EMC3: variants seen among roughly 807,000 people sequenced by gnomAD.
EMC3 encodes 30 kDa protein.
Under a neutral mutation model 36.6 loss-of-function variants are expected in EMC3, and 13 were observed. That is an observed-to-expected ratio of 0.35 (90% CI 0.23 to 0.56). The LOEUF (loss-of-function observed/expected upper bound fraction) is 0.56. Among genes scored for constraint, EMC3 ranks in the 20% least tolerant of loss-of-function variants. EMC3 has a pLI of 0.84. For missense variants in EMC3, 220 were observed against 324.5 expected (o/e 0.68, Z 2.47); for synonymous variants, 120 against 111.9 (o/e 1.07, Z -0.46).
At chr3:9,992,694 T>C (rs990285682) in intron 1 of EMC3, among the ~76,000 whole-genome samples, 1 of 152,340 alleles carries the variant, frequency 6.6e-6, no homozygotes. Flanking sequence ...TTAATAGTTG[T>C]GGCACTTTAT....
At chr3:9,988,718 G>A, upstream of EMC3, 1 of 1,521,500 alleles carries the variant, frequency 6.6e-7, no homozygotes, top group Non-Finnish European at 9.0e-7. Flanking sequence ...TCAGGCAATT[G>A]AAAACACTGC....
At chr3:10,005,154 A>G (rs1210764500) in intron 1 of EMC3, 1 of 151,752 alleles carries the variant, frequency 6.6e-6, no homozygotes, top group African/African-American at 2.4e-5. Flanking sequence ...GAGTTGCACC[A>G]CCAGATATAC....
At chr3:10,006,192 C>T (rs951569992) in intron 1 of EMC3, among the ~76,000 whole-genome samples, 10 of 152,238 alleles carry the variant, frequency 6.6e-5, no homozygotes, top group South Asian at 6.2e-4. Context: ...AAGCCAGCAT[C>T]GTCCAAGCTG....
upstream of EMC3, chr3:9,988,592 A>G: frequency 1.1e-6 from 1 of 883,614 alleles, no homozygotes; most frequent in Non-Finnish European, 1.9e-6. Context: ...TGGAAATGAT[A>G]GCTGATGGTT....
upstream of EMC3, among the ~76,000 whole-genome samples, chr3:9,990,325 CTTTTTTTT>C (rs4020037): frequency 1.9e-4 from 17 of 88,706 alleles, no homozygotes; most frequent in African/African-American, 6.4e-4. Context: ...GGGCCTTTCT[CTTTTTTTT>C]TTTTTTTTTT....
At chr3:9,975,726 C>G (rs1049183589) in intron 3 of EMC3, among the ~76,000 whole-genome samples, 17 of 149,162 alleles carry the variant, frequency 1.1e-4, no homozygotes, top group African/African-American at 1.7e-4. Context: ...GCAGGAGAAT[C>G]GCGTGAACCC....
chr3:9,998,310 G>A lies in EMC3; in HGVS notation c.-241-11408C>T, dbSNP rs533074109. 7.3e-5 allele frequency among the ~76,000 whole-genome samples: 11 copies of A among 150,566 alleles called. No individual in the cohort carries two copies. In the South Asian group the frequency reaches 1.3e-3, roughly 17 times the overall value. ...GAACCCGGGAGGCAGAGCTTGCAGTGAGCCGAGATTGCGCCACTGCACTCC... is the reference window on the plus strand; with the variant it reads ...GAACCCGGGAGGCAGAGCTTGCAGTAAGCCGAGATTGCGCCACTGCACTCC... On this transcript the variant is annotated intron_variant, in intron 1 of 8. Coordinates refer to the EMC3 transcript ENST00000470827.
chr3:9,987,361 GCT>G, upstream of EMC3: 1 of 953,100 alleles, frequency 1.0e-6, no homozygotes, highest in Non-Finnish European at 1.2e-6. Context: ...CTTCTCTGGG[GCT>G]CCGCGCCCCA....
chr3:9,966,360 C>G (rs1259751481), intron 7 of EMC3, among the ~76,000 whole-genome samples: 1 of 146,526 alleles, frequency 6.8e-6, no homozygotes, highest in Non-Finnish European at 1.5e-5. Context: ...GCAGCTGGGA[C>G]TACAGGCGCC....
At chr3:9,969,130 T>C (rs567750013) in intron 7 of EMC3, 1 of 170,064 alleles carries the variant, frequency 5.9e-6, no homozygotes, top group African/African-American at 2.4e-5. Context: ...TGGCCCATTT[T>C]TGTATTTTTA....
intron 1 of EMC3, among the ~76,000 whole-genome samples, chr3:9,992,002 T>G (rs1366400744): frequency 6.6e-6 from 1 of 152,156 alleles, no homozygotes; most frequent in African/African-American, 2.4e-5. Context: ...TCAGTGGTAA[T>G]GACCACTTGA....
chr3:9,965,739 A>G (rs2085731190), intron 7 of EMC3, among the ~76,000 whole-genome samples: 1 of 152,144 alleles, frequency 6.6e-6, no homozygotes, highest in Non-Finnish European at 1.5e-5. Context: ...TATTCTGGGC[A>G]TATGTGGCCT....
chr3:9,984,158 C>T (rs1217369423), intron 1 of EMC3, among the ~76,000 whole-genome samples: 6 of 151,822 alleles, frequency 4.0e-5, no homozygotes, highest in East Asian at 1.9e-4. Flanking sequence ...CTCGGCTCAC[C>T]GCAACCTCTG....
chr3:9,971,271 G>A (rs989938311), intron 5 of EMC3, among the ~76,000 whole-genome samples: 7 of 152,160 alleles, frequency 4.6e-5, no homozygotes, highest in South Asian at 4.1e-4. Context: ...ATACAGTACC[G>A]AGGACTATAG....
At chr3:9,974,810 G>A (rs565142844) in intron 3 of EMC3, among the ~76,000 whole-genome samples, 1 of 150,016 alleles carries the variant, frequency 6.7e-6, no homozygotes, top group East Asian at 2.0e-4. Flanking sequence ...CGCCTGCTTC[G>A]GCCTCCCAAA....
intron 1 of EMC3, chr3:10,007,512 A>G (rs1456895754): frequency 8.8e-6 from 12 of 1,367,392 alleles, no homozygotes; most frequent in South Asian, 1.1e-5. Context: ...TCTTCTTTTG[A>G]TAACAGTGGC....
rs1179011112 is a variant in EMC3 at position 9,970,587 on chromosome 3, T to C, written c.569A>G (p.Asp190Gly). ...RSIYSLILGQ[D>G]NAADQSRMMQ... ...AAACCTGACATGCTTCTTACCATTA[T>C]CTTGGCCCAGAATCAGAGAGTAAAT... Residue 190 changes from aspartate (D) to glycine (G), a missense_variant, in exon 6 of 8, where the codon GAT becomes GGT. Coordinates refer to ENST00000245046, the MANE Select transcript of EMC3 (RefSeq NM_001394674.1). The C allele has an allele frequency of 1.2e-6, 2 of 1,614,066 alleles. No individual in the cohort carries two copies. Among genetic ancestry groups the C allele is most frequent in the African/African-American group, 2.7e-5 (2 of 74,928 alleles).
upstream of EMC3, among the ~76,000 whole-genome samples, chr3:9,988,934 C>G (rs1214128116): frequency 1.3e-5 from 2 of 151,528 alleles, no homozygotes; most frequent in African/African-American, 2.4e-5. Flanking sequence ...AGATAGCCTG[C>G]CCCTACTCAC....
upstream of EMC3, chr3:9,988,660 A>G: frequency 8.9e-7 from 1 of 1,125,402 alleles, no homozygotes; most frequent in South Asian, 1.3e-5. Context: ...ATAAGGTGTA[A>G]CGTGTTTCGC....
Sources: gnomAD v4.1 joint callset for allele counts (sites outside exome capture counted in the v4.1 genomes callset) on GRCh38, gnomAD v4.1.1 for gene constraint, MANE v1.5 for transcripts, NCBI Gene and HGNC (gene_info 2026-07-23, HGNC 2026-07-21) for gene names.